Variants in TOM1L1 observed in about 807,000 individuals in gnomAD.
The protein encoded by TOM1L1 is target of myb1 like 1 membrane trafficking protein, also known as TOM1-like protein 1.
TOM1L1 carries 64 observed loss-of-function variants against 63.4 expected under a neutral mutation model. The ratio of observed to expected loss-of-function variants is 1.01; its 90% confidence interval spans 0.83 to 1.24. The LOEUF (loss-of-function observed/expected upper bound fraction) is 1.24, where lower values mean the gene tolerates loss of function less well. Ranked by LOEUF, TOM1L1 falls within the 50% of genes most tolerant of loss-of-function variation. TOM1L1 has a pLI of 0.00. For synonymous variants in TOM1L1, 166 were observed against 194.4 expected (o/e 0.85, Z 1.22); for missense variants, 536 against 567.0 (o/e 0.95, Z 0.55).
chr17:54,911,513 A>T (rs915347656), intron 3 of TOM1L1, among the ~76,000 whole-genome samples: 2 of 151,752 alleles, frequency 1.3e-5, no homozygotes, highest in African/African-American at 4.8e-5. Context: ...TTACACCTAG[A>T]CCAGCCATAC....
intron 3 of TOM1L1, 64 bp downstream of exon 3, chr17:54,905,631 C>A (rs2048397056): frequency 2.9e-5 from 31 of 1,072,924 alleles, no homozygotes; most frequent in Non-Finnish European, 4.1e-5. Context: ...CATTTTTAAT[C>A]CTGGGTAAAA....
At position 54,947,332 on chromosome 17, in the gene TOM1L1, T is replaced by C. The variant is rs1377467870; in HGVS notation, c.1182+20T>C. ...GATAATGTAAGTAACAAAACTCTTTTCTAGCAGTGCATCTAGTCAGCAGAT... is the reference window on the plus strand; with the variant it reads ...GATAATGTAAGTAACAAAACTCTTTCCTAGCAGTGCATCTAGTCAGCAGAT... On this transcript the variant is annotated intron_variant, in intron 12 of 15. Transcript: ENST00000575882. 6.2e-7 allele frequency: 1 copy of C among 1,612,854 alleles called. No individual in the cohort carries two copies. Among genetic ancestry groups the C allele is most frequent in the South Asian group, 1.1e-5 (1 of 91,060 alleles).
chr17:54,947,375 A>C, intron 12 of TOM1L1, 63 bp downstream of exon 12: 3 of 1,529,816 alleles, frequency 2.0e-6, no homozygotes, highest in Non-Finnish European at 9.1e-7. Flanking sequence ...GCCAGAAAAG[A>C]ACTCATGGTC....
chr17:54,906,580 T>A (rs1485919611), intron 3 of TOM1L1, among the ~76,000 whole-genome samples: 1 of 152,220 alleles, frequency 6.6e-6, no homozygotes, highest in Non-Finnish European at 1.5e-5. Flanking sequence ...TCTGCCTTAC[T>A]TGAACAGCTT....
intron 8 of TOM1L1, among the ~76,000 whole-genome samples, chr17:54,933,031 G>A (rs1246219141): frequency 6.6e-6 from 1 of 152,212 alleles, no homozygotes; most frequent in Non-Finnish European, 1.5e-5. Context: ...TACATCCTAA[G>A]ATTCAGAGAG....
At chr17:54,935,774 TAAATC>T (rs1165433417) in intron 8 of TOM1L1, among the ~76,000 whole-genome samples, 2 of 152,176 alleles carry the variant, frequency 1.3e-5, no homozygotes, top group Non-Finnish European at 2.9e-5. Context: ...AATGTAAAAT[TAAATC>T]AGAGTTGTAG....
intron 3 of TOM1L1, among the ~76,000 whole-genome samples, chr17:54,909,300 C>A (rs1038743324): frequency 6.6e-6 from 1 of 152,122 alleles, no homozygotes; most frequent in Non-Finnish European, 1.5e-5. Flanking sequence ...GTTGTCCCCC[C>A]AGGAGCTTGT....
Position 54,915,759 on chromosome 17 carries a change from A to C in TOM1L1, c.617A>C (p.His206Pro), listed in dbSNP as rs1285086292. 6.2e-7 allele frequency: 1 copy of C among 1,608,946 alleles called. No homozygotes were observed. The highest frequency in any genetic ancestry group is 1.3e-5 in the African/African-American group (1 of 74,650). Residue 206 changes from histidine (H) to proline (P), a missense_variant, in exon 7 of 16, where the codon CAC becomes CCC. Coordinates refer to ENST00000575882, the MANE Select transcript of TOM1L1 (RefSeq NM_005486.3). ...TGCTCTCTACAGATTGGAAAACTGC[A>C]CAGTGAATTGGATATGGTGAAAATG... ...TLVPEQIGKL[H>P]SELDMVKMNV...
chr17:54,914,370 TAAAAAAA>T (rs35044232), intron 5 of TOM1L1, among the ~76,000 whole-genome samples: 69 of 144,576 alleles, frequency 4.8e-4, no homozygotes, highest in Non-Finnish European at 4.7e-4. Flanking sequence ...GACCCTTGGT[TAAAAAAA>T]AAAAAAAAAG....
chr17:54,910,177 C>T (rs1380918982), intron 3 of TOM1L1, among the ~76,000 whole-genome samples: 1 of 152,136 alleles, frequency 6.6e-6, no homozygotes, highest in African/African-American at 2.4e-5. Context: ...TTGTGAGGGC[C>T]AGGTGCAGTG....
intron 12 of TOM1L1, among the ~76,000 whole-genome samples, chr17:54,948,167 A>G (rs2049150783): frequency 6.6e-6 from 1 of 152,166 alleles, no homozygotes; most frequent in South Asian, 2.1e-4. Flanking sequence ...CCAAGTCACC[A>G]TCGGATGGAC....
In TOM1L1 at chr17:54,961,289, G is replaced by A. The variant is rs1483523088; in HGVS notation, c.*56G>A. The A allele has an allele frequency of 1.5e-5, 24 of 1,551,338 alleles. No homozygotes were observed. Among genetic ancestry groups the A allele is most frequent in the East Asian group, 1.2e-4 (5 of 40,910 alleles). ...ATCAAAGGTGCCAACTCTCTAAAAC[G>A]TAGACTCTGTGCAGCTTTGAAGCCT... On this transcript the variant is annotated 3_prime_UTR_variant, in exon 16 of 16. Transcript: ENST00000575882.
At chr17:54,950,195 C>T (rs985764101) in intron 14 of TOM1L1, 69 bp downstream of exon 14, 10 of 1,198,728 alleles carry the variant, frequency 8.3e-6, no homozygotes, top group Non-Finnish European at 1.1e-5. Context: ...GCTAACAGGG[C>T]TTGGTTATAC....
chr17:54,918,214 A>G (rs1433596299), intron 7 of TOM1L1, among the ~76,000 whole-genome samples: 3 of 152,200 alleles, frequency 2.0e-5, no homozygotes, highest in African/African-American at 7.2e-5. Flanking sequence ...CTATGGGCCA[A>G]ATCTGGGCCT....
chr17:54,946,254 G>A (rs1486439383), intron 11 of TOM1L1, among the ~76,000 whole-genome samples: 2 of 152,182 alleles, frequency 1.3e-5, no homozygotes, highest in Non-Finnish European at 2.9e-5. Flanking sequence ...GGTGAGCTCA[G>A]TATTTCATAA....
At position 54,944,340 on chromosome 17, in the gene TOM1L1, C is replaced by T. The variant is rs140597815; in HGVS notation, c.1131-2921C>T. Among the ~76,000 whole-genome samples, 9 of 151,898 alleles carry T rather than the reference C, an allele frequency of 5.9e-5. No individual in the cohort carries two copies. The East Asian group carries it at 1.8e-3, about 30-fold the overall frequency. ...TGGTGCGCATCTGTAATCCCAGCTA[C>T]TCGGGAGGCTGAGGCATGAGAATTG... is the stretch of plus-strand genomic sequence containing the variant. On this transcript the variant is annotated intron_variant, in intron 11 of 15. Transcript: ENST00000575882.
chr17:54,901,313 A>T (rs2332305), intron 1 of TOM1L1: 41,172 of 216,382 alleles, frequency 0.19, 4,222 homozygotes, highest in South Asian at 0.26. Flanking sequence ...TTTACAGATC[A>T]GAAGAGGAGG....
chr17:54,934,570 A>C (rs1459367379), intron 8 of TOM1L1, among the ~76,000 whole-genome samples: 1 of 152,108 alleles, frequency 6.6e-6, no homozygotes, highest in Non-Finnish European at 1.5e-5. Context: ...AACATCCCCC[A>C]AAGTCTCTGC....
intron 15 of TOM1L1, 60 bp downstream of exon 15, chr17:54,960,687 C>G: frequency 7.8e-7 from 1 of 1,289,350 alleles, no homozygotes; most frequent in East Asian, 2.3e-5. Flanking sequence ...GTATAATTAT[C>G]ACTTTACATA....
Sources: allele counts gnomAD v4.1 joint callset (sites outside exome capture counted in the v4.1 genomes callset), GRCh38; gene constraint gnomAD v4.1.1; transcripts MANE v1.5; gene names NCBI Gene and HGNC (gene_info 2026-07-23, HGNC 2026-07-21).